C5: variants seen among roughly 807,000 people sequenced by gnomAD.
C5 encodes the protein complement C5, also known as C3 and PZP-like alpha-2-macroglobulin domain-containing protein 4.
Under a neutral mutation model 218.8 loss-of-function variants are expected in C5, and 140 were observed. That is an observed-to-expected ratio of 0.64 (90% CI 0.56 to 0.74). The LOEUF is 0.74. Ranked by LOEUF, C5 falls within the 30% of genes least tolerant of loss-of-function variation. C5 has a pLI of 0.00. For missense variants in C5, 1,700 were observed against 1,969.6 expected (o/e 0.86, Z 2.59); for synonymous variants, 614 against 682.3 (o/e 0.90, Z 1.56).
rs1323840652 is a variant in C5, at chr9:121,008,497, G to T, written c.2259C>A (p.His753Gln). 1 of 1,607,858 alleles carries T rather than the reference G, an allele frequency of 6.2e-7. No homozygotes were observed. The highest frequency in any genetic ancestry group is 1.7e-5 in the Admixed American group (1 of 59,998). Residue 753 changes from histidine (H) to glutamine (Q), a missense_variant and splice_region_variant, in exon 18 of 41, where the codon CAC becomes CAA. Transcript: ENST00000223642. ...TGCTTACTGGTAACAGGGTCTTCAT[G>T]TCTGGACAAAAAAATCATATTCAAT... Reference protein sequence around the residue: ...SHKDMQLGRLHMKTLLPVSKP... With the variant: ...SHKDMQLGRLQMKTLLPVSKP...
intron 39 of C5, 43 bp downstream of exon 39, chr9:120,957,242 A>C: frequency 7.8e-7 from 1 of 1,289,160 alleles, no homozygotes; most frequent in Non-Finnish European, 1.1e-6. Context: ...TCAGTACTAA[A>C]TAGTTGCTGA....
Position 121,006,997 on chromosome 9 carries a change from T to C in C5, c.2349-20A>G. 5 of 1,568,438 alleles carry C rather than the reference T, an allele frequency of 3.2e-6. No homozygotes were observed. Among genetic ancestry groups the C allele is most frequent in the East Asian group, 4.5e-5 (2 of 44,632 alleles). Reference sequence around the variant, plus strand: ...TGTTTTCTGGAAGTTAAAATGTTGATATTCAAATACAGTGGAATATTGATT... The same window carrying C: ...TGTTTTCTGGAAGTTAAAATGTTGACATTCAAATACAGTGGAATATTGATT... On this transcript the variant is annotated intron_variant, in intron 18 of 40. Transcript: ENST00000223642.
At chr9:120,979,722 G>C (rs1207509531) in intron 28 of C5, 1 of 287,210 alleles carries the variant, frequency 3.5e-6, no homozygotes, top group African/African-American at 2.2e-5. Context: ...ACTCGTATCT[G>C]CAAAATATAA....
rs1564153959 is a variant in C5, at chr9:121,018,740, G to GAAAGAAA, written c.1507-889_1507-888insTTTCTTT. Among the ~76,000 whole-genome samples, 25 of 85,290 alleles carry GAAAGAAA rather than the reference G, an allele frequency of 2.9e-4. 2 individuals carry two copies. In the East Asian group the frequency reaches 7.3e-3, roughly 25 times the overall value. 56.0% of individuals were successfully genotyped at this position (85,290 alleles called of 152,430 possible). ...AAGAAAGAAAGAAGGAAGGAAGGAA[G>GAAAGAAA]GAAAGGAAGGAAGGAAGGAAGGAAG... On this transcript the variant is annotated intron_variant, in intron 12 of 40. Transcript: ENST00000223642.
intron 12 of C5, among the ~76,000 whole-genome samples, chr9:121,018,089 C>G (rs2047324493): frequency 6.6e-6 from 1 of 151,226 alleles, no homozygotes; most frequent in Non-Finnish European, 1.5e-5. Context: ...ACCATCTCTA[C>G]TAAAAATACA....
intron 5 of C5, 113 bp from the exon 6 acceptor site, chr9:121,032,308 A>G: frequency 1.6e-6 from 1 of 641,456 alleles, no homozygotes; most frequent in Non-Finnish European, 2.8e-6. Context: ...AAGATATATA[A>G]AACCTAAGTA....
chr9:121,007,081 A>C (rs2047222220), intron 18 of C5, 104 bp from the exon 19 acceptor site: 2 of 812,364 alleles, frequency 2.5e-6, no homozygotes, highest in Non-Finnish European at 4.3e-6. Context: ...ACTTTAGAGA[A>C]AGAAAAAAAT....
chr9:120,975,388 C>T (rs2046945827), intron 29 of C5, among the ~76,000 whole-genome samples: 1 of 152,000 alleles, frequency 6.6e-6, no homozygotes, highest in Non-Finnish European at 1.5e-5. Context: ...TATTGTTGGC[C>T]TACCCCACTG....
At position 120,960,664 on chromosome 9, in the gene C5, T is replaced by A. The variant is rs185938339; in HGVS notation, c.4589-327A>T. Among the ~76,000 whole-genome samples the A allele has an allele frequency of 1.2e-3, 187 of 152,360 alleles. 2 individuals are homozygous for A. Among genetic ancestry groups the A allele is most frequent in the African/African-American group, 4.3e-3 (180 of 41,590 alleles). ...TTCTTAAAATATTATGAAATTTTTC[T>A]TGTGATTTTTGTTTTAGCTCATTAG... On this transcript the variant is annotated intron_variant, in intron 37 of 40. Coordinates refer to ENST00000223642, the MANE Select transcript of C5 (RefSeq NM_001735.3).
At chr9:120,953,258 T>C (rs2046759532) in intron 40 of C5, among the ~76,000 whole-genome samples, 1 of 152,100 alleles carries the variant, frequency 6.6e-6, no homozygotes. Context: ...TGTGGTCAGG[T>C]CCCCAGGGGT....
rs1426968023 is a variant in C5, at chr9:120,976,602, G to C, written c.3864+98C>G. 9 of 937,530 alleles carry C rather than the reference G, an allele frequency of 9.6e-6. No individual in the cohort carries two copies. The East Asian group carries it at 2.1e-4, about 22-fold the overall frequency. The allele number at this position is 937,530 out of a possible 1,614,324, so 58.1% of individuals were successfully genotyped here. A position where few individuals can be genotyped will look rare whatever the true frequency, so the allele number is the denominator to read the frequency against. On this transcript the variant is annotated intron_variant, in intron 29 of 40. Transcript: ENST00000223642. ...TAGGCATTATTCATATCTATTGCATGCTCATTTGGTGGACAAAGGCATGGA... is the reference window on the plus strand; with the variant it reads ...TAGGCATTATTCATATCTATTGCATCCTCATTTGGTGGACAAAGGCATGGA...
At chr9:120,985,875 A>T (rs7872790) in intron 25 of C5, among the ~76,000 whole-genome samples, 36,757 of 152,084 alleles carry the variant, frequency 0.24, 5,240 homozygotes, top group African/African-American at 0.4. Flanking sequence ...AAAATCAAGG[A>T]TGTGAAATGT....
In C5 at chr9:121,050,274, A is replaced by G. The variant is rs1283036506; in HGVS notation, c.-28T>C. 3 of 1,569,268 alleles carry G rather than the reference A, an allele frequency of 1.9e-6. No homozygotes were observed. Among genetic ancestry groups the G allele is most frequent in the East Asian group, 2.2e-5 (1 of 44,620 alleles). Reference sequence around the variant, plus strand: ...TTGGAGGTAGCAGGAAACCACGGATATAACACTTTTGAGGATAGTCTCCTT... The same window carrying G: ...TTGGAGGTAGCAGGAAACCACGGATGTAACACTTTTGAGGATAGTCTCCTT... On this transcript the variant is annotated 5_prime_UTR_variant, in exon 1 of 41. Coordinates refer to ENST00000223642, the MANE Select transcript of C5 (RefSeq NM_001735.3).
At chr9:120,999,750 C>A in intron 20 of C5, 4 of 275,252 alleles carry the variant, frequency 1.5e-5, no homozygotes, top group Non-Finnish European at 2.2e-5. Context: ...GAAAGTGTAA[C>A]CCACACTCAG....
chr9:120,969,035 G>T (rs2046890210), intron 33 of C5, 26 bp downstream of exon 33: 3 of 1,593,398 alleles, frequency 1.9e-6, no homozygotes, highest in Non-Finnish European at 2.6e-6. Context: ...TGGAGTCTAT[G>T]CTCCCCTTTG....
intron 19 of C5, 33 bp downstream of exon 19, chr9:121,006,871 A>G (rs1055709331): frequency 7.5e-7 from 1 of 1,338,168 alleles, no homozygotes; most frequent in Non-Finnish European, 1.1e-6. Context: ...TCAAATCACT[A>G]TTTAAATGCA....
At chr9:121,070,423 A>ATATATATATG in the C5 span, among the ~76,000 whole-genome samples, 6 of 115,076 alleles carry the variant, frequency 5.2e-5, no homozygotes, top group Non-Finnish European at 9.0e-5. Flanking sequence ...ATATATATAT[A>ATATATATATG]TATGTATGTA....
At chr9:120,964,215 C>A (rs967355555) in intron 33 of C5, among the ~76,000 whole-genome samples, 6 of 152,244 alleles carry the variant, frequency 3.9e-5, no homozygotes, top group Non-Finnish European at 7.3e-5. Flanking sequence ...CGGTGGCTTA[C>A]GCCTATAATC....
intron 26 of C5, among the ~76,000 whole-genome samples, 160 bp from the exon 27 acceptor site, chr9:120,982,099 C>T (rs1287876394): frequency 5.3e-5 from 8 of 152,180 alleles, no homozygotes; most frequent in Non-Finnish European, 8.8e-5. Flanking sequence ...GCAACCTCCG[C>T]CTCCCGGGTT....
Sources: allele counts gnomAD v4.1 joint callset (sites outside exome capture counted in the v4.1 genomes callset), GRCh38; gene constraint gnomAD v4.1.1; transcripts MANE v1.5; gene names NCBI Gene and HGNC (gene_info 2026-07-23, HGNC 2026-07-21).